The following PLXNA4 variants were observed in gnomAD, a reference collection of about 807,000 sequenced individuals.
The protein encoded by PLXNA4 is plexin A4.
A neutral mutation model predicts 191.8 loss-of-function variants in PLXNA4; 44 were observed. The ratio of observed to expected loss-of-function variants is 0.23; its 90% CI spans 0.18 to 0.29. The LOEUF is 0.29. PLXNA4 is among the 10% of genes least tolerant of loss of function. The pLI, the probability that PLXNA4 is intolerant of heterozygous loss-of-function variation, is 1.00. For missense variants in PLXNA4, 1,800 were observed against 2,488.8 expected (o/e 0.72, Z 5.89); for synonymous variants, 1,082 against 1,009.5 (o/e 1.07, Z -1.36).
At chr7:132,179,312 C>T (rs112911276) in intron 20 of PLXNA4, among the ~76,000 whole-genome samples, 3,254 of 128,746 alleles carry the variant, frequency 0.025, 278 homozygotes, top group African/African-American at 0.099. Context: ...CACATACATA[C>T]ACACACATGC....
At chr7:132,636,160 A>C (rs1803602025) in intron 2 of PLXNA4, among the ~76,000 whole-genome samples, 1 of 152,216 alleles carries the variant, frequency 6.6e-6, no homozygotes, top group Admixed American at 6.5e-5. Flanking sequence ...CTCCCATCCA[A>C]TACCCAGGTT....
At chr7:132,484,630 G>A (rs953003371) in intron 3 of PLXNA4, 8 of 1,019,460 alleles carry the variant, frequency 7.8e-6, no homozygotes, top group Admixed American at 2.8e-5. Flanking sequence ...TAGCACAACA[G>A]AACTACCTGA....
chr7:132,522,592 T>C (rs1799234616), intron 1 of PLXNA4, among the ~76,000 whole-genome samples: 1 of 152,158 alleles, frequency 6.6e-6, no homozygotes, highest in Non-Finnish European at 1.5e-5. Flanking sequence ...GGCAATTTGG[T>C]GAAGCCCCAT....
intron 21 of PLXNA4, among the ~76,000 whole-genome samples, chr7:132,169,240 G>A (rs553668250): frequency 1.3e-5 from 2 of 152,346 alleles, no homozygotes; most frequent in Admixed American, 6.5e-5. Flanking sequence ...CTAAGACCCT[G>A]CTCTATGCAG....
intron 1 of PLXNA4, among the ~76,000 whole-genome samples, chr7:132,571,203 C>A (rs566703632): frequency 6.6e-6 from 1 of 152,308 alleles, no homozygotes; most frequent in African/African-American, 2.4e-5. Context: ...GGGACAGAAC[C>A]CAACCAGGCC....
In PLXNA4 at chr7:132,179,834, C is replaced by A. The variant is rs761223020; in HGVS notation, c.3727G>T (p.Ala1243Ser). The A allele has an allele frequency of 1.9e-5, 31 of 1,613,274 alleles. No individual in the cohort carries two copies. In the South Asian group the frequency reaches 2.6e-4, roughly 14 times the overall value. Residue 1243 changes from alanine to serine, a missense_variant, in exon 20 of 32, where the codon GCA (alanine) becomes TCA (serine). Coordinates refer to ENST00000321063, the MANE Select transcript of PLXNA4 (RefSeq NM_020911.2). ...ATGATGAGGAGGCCGCCAGCCACTG[C>A]GATGCTGACGATGGCGGGCAGGCTG... is the stretch of plus-strand genomic sequence containing the variant. ...PLSLPAIVSI[A>S]VAGGLLIIFI...
At chr7:132,405,186 G>A (rs983501462) in intron 3 of PLXNA4, among the ~76,000 whole-genome samples, 3 of 152,050 alleles carry the variant, frequency 2.0e-5, no homozygotes, top group Non-Finnish European at 4.4e-5. Context: ...GCTGAAACAT[G>A]GTACTCCCAG....
chr7:132,614,461 C>G (rs16874245), intron 2 of PLXNA4, among the ~76,000 whole-genome samples: 4,958 of 152,288 alleles, frequency 0.033, 185 homozygotes, highest in African/African-American at 0.095. Flanking sequence ...AGCGGGTGAA[C>G]TTGGAACAAG....
intron 3 of PLXNA4, among the ~76,000 whole-genome samples, chr7:132,300,306 C>A (rs981036914): frequency 6.6e-6 from 1 of 152,064 alleles, no homozygotes; most frequent in African/African-American, 2.4e-5. Context: ...GTATGTCTCC[C>A]GGTGGTGGCC....
chr7:132,139,927 G>A (rs1219771078), intron 30 of PLXNA4, among the ~76,000 whole-genome samples: 3 of 152,208 alleles, frequency 2.0e-5, no homozygotes, highest in Admixed American at 1.3e-4. Flanking sequence ...GGTGCTTGGC[G>A]TATGGAGCTG....
chr7:132,338,856 T>C (rs1802917001), intron 3 of PLXNA4, among the ~76,000 whole-genome samples: 1 of 152,206 alleles, frequency 6.6e-6, no homozygotes, highest in Non-Finnish European at 1.5e-5. Flanking sequence ...AAATGGTTCT[T>C]GTCTTCTCCA....
intron 3 of PLXNA4, among the ~76,000 whole-genome samples, chr7:132,463,787 C>T (rs1796601848): frequency 6.6e-6 from 1 of 152,254 alleles, no homozygotes; most frequent in Non-Finnish European, 1.5e-5. Flanking sequence ...CAAGCCACCC[C>T]TCACAAGGGC....
chr7:132,264,465 T>C (rs577399300), intron 4 of PLXNA4, among the ~76,000 whole-genome samples: 1 of 152,216 alleles, frequency 6.6e-6, no homozygotes, highest in African/African-American at 2.4e-5. Flanking sequence ...CTCTTTTTTT[T>C]TCTGCAAATG....
intron 4 of PLXNA4, among the ~76,000 whole-genome samples, chr7:132,283,857 T>C (rs1476641000): frequency 1.3e-5 from 2 of 152,184 alleles, no homozygotes; most frequent in East Asian, 1.9e-4. Context: ...AAATGCACTA[T>C]CAAATGCTAT....
At chr7:132,334,754 A>T (rs1002988755) in intron 3 of PLXNA4, among the ~76,000 whole-genome samples, 2 of 152,152 alleles carry the variant, frequency 1.3e-5, no homozygotes, top group Non-Finnish European at 2.9e-5. Flanking sequence ...GTTGTACTAG[A>T]CATGAAACGC....
chr7:132,540,569 C>T (rs200615668), intron 1 of PLXNA4, among the ~76,000 whole-genome samples: 411 of 60,732 alleles, frequency 6.8e-3, no homozygotes, highest in Middle Eastern at 0.05. Flanking sequence ...GTGGACCGTT[C>T]TTTTTTTTTT....
intron 3 of PLXNA4, among the ~76,000 whole-genome samples, chr7:132,401,213 T>A (rs980349715): frequency 6.6e-6 from 1 of 152,258 alleles, no homozygotes; most frequent in Non-Finnish European, 1.5e-5. Flanking sequence ...ACTATAGTTA[T>A]GCAAAATGAT....
At chr7:132,457,165 C>A (rs1369929402) in intron 3 of PLXNA4, among the ~76,000 whole-genome samples, 2 of 152,180 alleles carry the variant, frequency 1.3e-5, no homozygotes, top group East Asian at 1.9e-4. Context: ...TTACGTGTAA[C>A]CATGGTACAA....
At chr7:132,427,681 T>G (rs1179468281) in intron 3 of PLXNA4, among the ~76,000 whole-genome samples, 1 of 152,194 alleles carries the variant, frequency 6.6e-6, no homozygotes, top group Admixed American at 6.5e-5. Context: ...CAGCAAGTCA[T>G]GGTCTGACTG....
Sources: gnomAD v4.1 joint callset for allele counts (sites outside exome capture counted in the v4.1 genomes callset) on GRCh38, gnomAD v4.1.1 for gene constraint, MANE v1.5 for transcripts, NCBI Gene and HGNC (gene_info 2026-07-23, HGNC 2026-07-21) for gene names.